PURG: variants seen among roughly 807,000 people sequenced by gnomAD.
PURG encodes purine rich element binding protein G.
Under a neutral mutation model 24.3 loss-of-function variants are expected in PURG, and 3 were observed. The observed-to-expected ratio is 0.12, with a 90% CI of 0.06 to 0.32. The LOEUF (loss-of-function observed/expected upper bound fraction) is 0.32. Ranked by LOEUF, PURG falls within the 10% of genes least tolerant of loss-of-function variation. The pLI is 1.00. For synonymous variants in PURG, 180 were observed against 173.1 expected (o/e 1.04, Z -0.31); for missense variants, 371 against 439.1 (o/e 0.84, Z 1.39).
intron 1 of PURG, among the ~76,000 whole-genome samples, chr8:31,009,451 A>T (rs183648817): frequency 2.6e-5 from 4 of 152,158 alleles, no homozygotes; most frequent in East Asian, 1.9e-4. Context: ...AAAACAAAAC[A>T]ACAAAAACCA....
intron 1 of PURG, among the ~76,000 whole-genome samples, chr8:31,011,743 C>A (rs1267187512): frequency 1.3e-5 from 2 of 152,116 alleles, no homozygotes; most frequent in Non-Finnish European, 2.9e-5. Context: ...AAGCTAATGG[C>A]AGTGAAATAT....
intron 1 of PURG, among the ~76,000 whole-genome samples, chr8:31,001,236 A>T (rs531243022): frequency 6.6e-6 from 1 of 152,326 alleles, no homozygotes; most frequent in East Asian, 1.9e-4. Context: ...TTTACCTAAA[A>T]TAGCTTTTCC....
intron 1 of PURG, among the ~76,000 whole-genome samples, chr8:31,017,203 C>A (rs1434280353): frequency 6.6e-6 from 1 of 152,080 alleles, no homozygotes; most frequent in Non-Finnish European, 1.5e-5. Flanking sequence ...CCTGTAGATA[C>A]AAACACAGCA....
intron 1 of PURG, among the ~76,000 whole-genome samples, chr8:31,001,108 G>T (rs909186227): frequency 1.3e-5 from 2 of 152,178 alleles, no homozygotes; most frequent in Non-Finnish European, 2.9e-5. Context: ...TTCATAGTAT[G>T]TGTGATATTC....
At chr8:31,021,822 G>A (rs1422259890) in intron 1 of PURG, among the ~76,000 whole-genome samples, 1 of 152,090 alleles carries the variant, frequency 6.6e-6, no homozygotes, top group Non-Finnish European at 1.5e-5. Context: ...GTAGCTATAA[G>A]GGGCCCAGCT....
Position 31,032,610 on chromosome 8 carries a change from T to G in PURG, c.173A>C (p.Gln58Pro), listed in dbSNP as rs752414051. The part of the protein sequence containing the change: ...PNQAGGAAEI[Q>P]ELASKRVDIQ... ...GTCCACTCGTTTGGAGGCCAGCTCC[T>G]GGATTTCGGCTGCGCCCCCGGCCTG... The change falls in exon 2 of 2, where the codon CAG becomes CCG. Residue 58 changes from glutamine (Q) to proline (P), a missense_variant. Physicochemically the swap from Gln to Pro is moderately conservative, Grantham distance 76 (BLOSUM62 -1). Around this residue, in one of 5 missense-constraint regions of PURG, gnomAD observed 213 missense variants for 230.6 expected, o/e 0.92. Transcript: ENST00000523392. The surrounding 1 kb of genome is among the most constrained non-coding windows in gnomAD (Gnocchi z 5.9). The G allele has an allele frequency of 6.2e-7, 1 of 1,607,716 alleles. No homozygotes were observed. The highest frequency in any genetic ancestry group is 1.7e-5 in the Admixed American group (1 of 59,562).
intron 1 of PURG, among the ~76,000 whole-genome samples, chr8:31,007,075 C>G (rs1810667341): frequency 6.6e-6 from 1 of 152,070 alleles, no homozygotes; most frequent in Non-Finnish European, 1.5e-5. Flanking sequence ...TTTAAAAACT[C>G]AATTAGTGAC....
chr8:31,000,865 A>T (rs1369090087), intron 1 of PURG, among the ~76,000 whole-genome samples: 1 of 152,216 alleles, frequency 6.6e-6, no homozygotes. Context: ...AACATTAACT[A>T]AAATCAGAAA....
At chr8:31,009,490 T>A (rs1039931168) in intron 1 of PURG, among the ~76,000 whole-genome samples, 7 of 152,084 alleles carry the variant, frequency 4.6e-5, no homozygotes, top group Non-Finnish European at 8.8e-5. Flanking sequence ...CATGTAAGAA[T>A]TCAGAATTTA....
At position 31,016,581 on chromosome 8, in the gene PURG, C is replaced by CAAA. The variant is rs11433207; in HGVS notation, c.864+15335_864+15337dup. On this transcript the variant is annotated intron_variant, in intron 1 of 1. Coordinates refer to the PURG transcript ENST00000339382. ...GAAAGAATGCAAGTCTACCAAGAAC[C>CAAA]AAAAAAAAAAAAAAAAAAAAAAAAA... 4.5e-3 allele frequency among the ~76,000 whole-genome samples: 256 copies of CAAA among 57,496 alleles called. 6 individuals are homozygous for CAAA. Among genetic ancestry groups the CAAA allele is most frequent in the Middle Eastern group, 0.022 (1 of 46 alleles). 37.7% of individuals were successfully genotyped at this position (57,496 alleles called of 152,430 possible). A position where few individuals can be genotyped will look rare whatever the true frequency, so the allele number is the denominator to read the frequency against.
chr8:30,998,211 T>C (rs1810466107), intron 1 of PURG, among the ~76,000 whole-genome samples: 1 of 151,854 alleles, frequency 6.6e-6, no homozygotes, highest in Admixed American at 6.6e-5. Context: ...TTATCACATA[T>C]ACTTTTGTTA....
downstream of PURG, among the ~76,000 whole-genome samples, chr8:31,029,776 A>T (rs1201294097): frequency 6.6e-6 from 1 of 151,924 alleles, no homozygotes; most frequent in Non-Finnish European, 1.5e-5. Flanking sequence ...ATTCAAGTGC[A>T]CATCATTCCT....
rs758381864 is a variant in PURG, at chr8:30,996,615, G to C, written c.947C>G (p.Thr316Ser). The change falls in exon 2 of 2, where the codon ACT becomes AGT. Residue 316 changes from threonine to serine, a missense_variant. Coordinates refer to the PURG transcript ENST00000339382. ...TCCTTATTCCTCAACTGTTTTTGTA[G>C]TATCATGGGGCTGTTCCTTATGCTT... 6 of 1,609,510 alleles carry C rather than the reference G, an allele frequency of 3.7e-6. No individual in the cohort carries two copies. The South Asian group carries it at 6.6e-5, about 18-fold the overall frequency.
chr8:31,010,003 G>A (rs1427899591), intron 1 of PURG, among the ~76,000 whole-genome samples: 6 of 151,924 alleles, frequency 3.9e-5, no homozygotes, highest in Admixed American at 1.3e-4. Flanking sequence ...AGTCTGAGGC[G>A]GGAGGATCAC....
intron 1 of PURG, among the ~76,000 whole-genome samples, chr8:31,008,140 A>G (rs1040267270): frequency 6.6e-6 from 1 of 152,210 alleles, no homozygotes; most frequent in African/African-American, 2.4e-5. Context: ...TTCCTATGGT[A>G]AAAGGAGGCT....
At chr8:31,027,591 A>G (rs746635248), downstream of PURG, among the ~76,000 whole-genome samples, 2 of 151,736 alleles carry the variant, frequency 1.3e-5, no homozygotes, top group Non-Finnish European at 3.0e-5. Context: ...TGTGCAGCTC[A>G]GATAAATGTT....
intron 1 of PURG, among the ~76,000 whole-genome samples, chr8:31,024,302 T>C (rs1811052390): frequency 6.6e-6 from 1 of 152,168 alleles, no homozygotes; most frequent in African/African-American, 2.4e-5. Context: ...CCATCTATTT[T>C]TCCTTTCACA....
chr8:31,005,951 C>T (rs932192282), intron 1 of PURG, among the ~76,000 whole-genome samples: 1 of 151,970 alleles, frequency 6.6e-6, no homozygotes, highest in Admixed American at 6.6e-5. Context: ...TTAACACTTA[C>T]AGGTGGGAAG....
chr8:31,002,686 G>A (rs748044811), intron 1 of PURG, among the ~76,000 whole-genome samples: 2 of 152,080 alleles, frequency 1.3e-5, no homozygotes, highest in Non-Finnish European at 2.9e-5. Context: ...GTTTCACCAC[G>A]TTGGCCGGGC....
Sources: gnomAD v4.1 joint callset for allele counts (sites outside exome capture counted in the v4.1 genomes callset) on GRCh38, gnomAD v4.1.1 for gene constraint, gnomAD v4.1.1 regional missense constraint, Gnocchi (gnomAD v3.1) non-coding constraint, MANE v1.5 for transcripts, NCBI Gene and HGNC (gene_info 2026-07-23, HGNC 2026-07-21) for gene names.